The following BMP1 variants were observed in gnomAD, a reference collection of about 807,000 sequenced individuals.
The protein encoded by BMP1 is mammalian tolloid protein.
In BMP1, 63 loss-of-function variants were observed where a neutral mutation model predicts 116.8. The ratio of observed to expected loss-of-function variants is 0.54; its 90% CI spans 0.44 to 0.67. The LOEUF is 0.67. BMP1 is among the 30% of genes least tolerant of loss of function. BMP1 has a pLI of 0.00. For synonymous variants in BMP1, 536 were observed against 533.4 expected (o/e 1.00, Z -0.07); for missense variants, 1,183 against 1,358.9 (o/e 0.87, Z 2.04).
rs1828554633 is a variant in BMP1, at chr8:22,179,653, C to T, written c.837-52C>T. ...GTACAGATGGGCATGCCACCCACTC[C>T]CTGCCCACTGTCCATGAGACGCTCA... On this transcript the variant is annotated intron_variant, in intron 6 of 19. Transcript: ENST00000306385. The surrounding 1 kb of genome is among the most constrained non-coding windows in gnomAD (Gnocchi z 4.6). 6.2e-7 allele frequency: 1 copy of T among 1,610,056 alleles called. No individual in the cohort carries two copies. Among genetic ancestry groups the T allele is most frequent in the African/African-American group, 1.3e-5 (1 of 74,804 alleles).
chr8:22,165,654 G>A, intron 1 of BMP1, 101 bp downstream of exon 1: 1 of 1,321,718 alleles, frequency 7.6e-7, no homozygotes, highest in Admixed American at 4.0e-5. Context: ...GAAGCCGGGA[G>A]CTGCCTGGTT....
intron 13 of BMP1, chr8:22,196,395 T>C (rs1563267406): frequency 3.4e-6 from 2 of 594,248 alleles, no homozygotes; most frequent in Non-Finnish European, 6.1e-6. Flanking sequence ...TTATTCCCGC[T>C]CACTCCCTCT....
chr8:22,178,104 C>G, intron 6 of BMP1, 147 bp downstream of exon 6: 2 of 666,930 alleles, frequency 3.0e-6, no homozygotes, highest in Non-Finnish European at 5.1e-6. Flanking sequence ...AGCAGAGGGT[C>G]CGTGGATGTT....
At chr8:22,178,994 A>G (rs886832389) in intron 6 of BMP1, among the ~76,000 whole-genome samples, 1 of 151,902 alleles carries the variant, frequency 6.6e-6, no homozygotes, top group African/African-American at 2.4e-5. Context: ...CCGGCCTTAC[A>G]TTTCCCACCA....
rs971278853 is a variant in BMP1 at position 22,207,295 on chromosome 8, C to T, written c.2362-8C>T. The stretch of plus-strand genomic sequence containing the variant: ...TTTTTAATCTGTGCTCCTTCCTCAT[C>T]CCCCTAGACCTTCATGGAGATGGAC... On this transcript the variant is annotated splice_polypyrimidine_tract_variant and splice_region_variant and intron_variant, in intron 17 of 19. Coordinates refer to ENST00000306385, the MANE Select transcript of BMP1 (RefSeq NM_006129.5). The T allele has an allele frequency of 1.2e-6, 2 of 1,604,020 alleles. No individual in the cohort carries two copies. Among genetic ancestry groups the T allele is most frequent in the South Asian group, 2.2e-5 (2 of 90,884 alleles).
chr8:22,176,640 C>A lies in BMP1; in HGVS notation c.541C>A (p.Arg181=), dbSNP rs1828444379. The change falls in exon 4 of 20, where the codon CGA becomes AGA. Residue 181 remains arginine, a synonymous_variant. Coordinates refer to ENST00000306385, the MANE Select transcript of BMP1 (RefSeq NM_006129.5). ...DEDSYIVFTY[R]PCGCCSYVGR... ...GGACAGCTATATTGTGTTCACCTAT[C>A]GACCTTGCGGGTGAGCAGGAAGCCC... The A allele has an allele frequency of 1.2e-6, 2 of 1,614,116 alleles. No homozygotes were observed. Among genetic ancestry groups the A allele is most frequent in the Non-Finnish European group, 1.7e-6 (2 of 1,179,980 alleles).
At chr8:22,189,716 C>T (rs925561368) in intron 8 of BMP1, among the ~76,000 whole-genome samples, 1 of 152,000 alleles carries the variant, frequency 6.6e-6, no homozygotes, top group African/African-American at 2.4e-5. Context: ...ATCCTCTTGC[C>T]TCAGCCTCTC....
intron 19 of BMP1, 67 bp from the exon 20 acceptor site, chr8:22,211,527 T>C: frequency 2.5e-6 from 4 of 1,603,648 alleles, no homozygotes; most frequent in East Asian, 2.2e-5. Context: ...GCTGGGGATC[T>C]TGGGGAGGCA....
intron 8 of BMP1, among the ~76,000 whole-genome samples, chr8:22,190,552 G>T (rs1245811980): frequency 6.6e-6 from 1 of 152,248 alleles, no homozygotes. Flanking sequence ...TGCACGGCGT[G>T]ACGTGTTGGT....
intron 16 of BMP1, among the ~76,000 whole-genome samples, chr8:22,204,354 TA>T (rs1829314788): frequency 6.6e-6 from 1 of 152,158 alleles, no homozygotes; most frequent in Admixed American, 6.5e-5. Flanking sequence ...CCACCAGTCA[TA>T]GTGCCTGGCC....
At chr8:22,177,816 T>C (rs752024031) in intron 5 of BMP1, 36 bp from the exon 6 acceptor site, 1 of 1,245,642 alleles carries the variant, frequency 8.0e-7, no homozygotes, top group Non-Finnish European at 1.2e-6. Context: ...ACCCACCCCC[T>C]CCTCTCCCCC....
intron 8 of BMP1, among the ~76,000 whole-genome samples, chr8:22,183,591 A>AATTATTATT (rs10687529): frequency 0.012 from 1,744 of 146,980 alleles, 22 homozygotes; most frequent in African/African-American, 0.037. Context: ...GTATGTGTTA[A>AATTATTATT]ATTATTATTA....
chr8:22,165,882 C>CGTGCGTGTGTGTGTGT (rs1016666673), intron 1 of BMP1, among the ~76,000 whole-genome samples: 10 of 131,418 alleles, frequency 7.6e-5, no homozygotes, highest in East Asian at 2.6e-4. Flanking sequence ...CCTGTGCGTG[C>CGTGCGTGTGTGTGTGT]GTGTGTGTGT....
intron 5 of BMP1, 108 bp downstream of exon 5, chr8:22,177,247 T>A: frequency 8.2e-7 from 1 of 1,215,374 alleles, no homozygotes; most frequent in Non-Finnish European, 1.1e-6. Context: ...CGTCATCGCC[T>A]GGGCCCGCAG....
At chr8:22,211,048 G>A (rs1485016476) in intron 19 of BMP1, among the ~76,000 whole-genome samples, 1 of 152,224 alleles carries the variant, frequency 6.6e-6, no homozygotes, top group Non-Finnish European at 1.5e-5. Flanking sequence ...GGTGCCAGAG[G>A]AGAGGCGGGG....
At position 22,207,530 on chromosome 8, in the gene BMP1, T is replaced by C. The variant is rs28374147; in HGVS notation, c.2575+14T>C. On this transcript the variant is annotated intron_variant, in intron 18 of 19. Transcript: ENST00000306385. ...CCCACGCCACAGGTACTGTCCCCGG[T>C]TGTGGGAGTGTTCACTGAGCCTGGT... 8,271 of 1,610,266 alleles carry C rather than the reference T, an allele frequency of 5.1e-3. 339 individuals are homozygous for C. The African/African-American group carries it at 0.096, about 19-fold the overall frequency.
rs1198562334 is a variant in BMP1 at position 22,176,532 on chromosome 8, GGTA to G, written c.435_437del (p.Ser146del). The stretch of plus-strand genomic sequence containing the variant: ...CAACCTGGCTTCCTTCCTCCTGGCA[GGTA>G]GCCAGAGGGCAGTCTTCCGGCAGGC... On this transcript the variant is annotated inframe_deletion and splice_region_variant, in exon 4 of 20. Coordinates refer to ENST00000306385, the MANE Select transcript of BMP1 (RefSeq NM_006129.5). 6.2e-7 allele frequency: 1 copy of G among 1,613,970 alleles called. No homozygotes were observed. The highest frequency in any genetic ancestry group is 8.5e-7 in the Non-Finnish European group (1 of 1,179,944).
In BMP1 at chr8:22,209,645, G is replaced by A. The variant is rs777614693; in HGVS notation, c.2776G>A (p.Asp926Asn). 6.2e-6 allele frequency: 10 copies of A among 1,613,998 alleles called. No homozygotes were observed. The highest frequency in any genetic ancestry group is 1.7e-5 in the Admixed American group (1 of 60,002). Reference sequence around the variant, plus strand: ...CGGCTATGACTACATGGAGCTCTTCGACGGCTACGACAGCACAGCCCCCAG... The same window carrying A: ...CGGCTATGACTACATGGAGCTCTTCAACGGCTACGACAGCACAGCCCCCAG... ...DCGYDYMELF[D>N]GYDSTAPRLG... is the part of the protein sequence containing the mutation. Residue 926 changes from aspartate (D) to asparagine (N), a missense_variant, in exon 19 of 20, where the codon GAC becomes AAC. By Grantham distance (23) the Asp-to-Asn change is conservative. This residue lies in a region of BMP1 where 956 missense variants were observed against 1,135.2 expected (regional missense o/e 0.84). Coordinates refer to ENST00000306385, the MANE Select transcript of BMP1 (RefSeq NM_006129.5).
At chr8:22,167,596 C>G (rs192631210) in intron 1 of BMP1, among the ~76,000 whole-genome samples, 2 of 152,168 alleles carry the variant, frequency 1.3e-5, no homozygotes, top group Non-Finnish European at 2.9e-5. Flanking sequence ...GCTCTCCCCC[C>G]AGTCTCAGGT....
Sources: gnomAD v4.1 joint callset for allele counts (sites outside exome capture counted in the v4.1 genomes callset) on GRCh38, gnomAD v4.1.1 for gene constraint, gnomAD v4.1.1 regional missense constraint, Gnocchi (gnomAD v3.1) non-coding constraint, MANE v1.5 for transcripts, NCBI Gene and HGNC (gene_info 2026-07-23, HGNC 2026-07-21) for gene names.